The following RAD21 variants were observed in gnomAD, a reference collection of about 807,000 sequenced individuals.
RAD21 encodes the protein double-strand-break repair protein rad21 homolog.
RAD21 carries 18 observed loss-of-function variants against 71.5 expected under a neutral mutation model. The observed-to-expected ratio is 0.25, with a 90% confidence interval of 0.17 to 0.37. RAD21 has a LOEUF of 0.37. Among genes scored for constraint, RAD21 ranks in the 10% least tolerant of loss-of-function variants. The pLI is 1.00. For missense variants in RAD21, 493 were observed against 769.1 expected, an observed-to-expected ratio of 0.64 and a Z score of 4.25; for synonymous variants, 248 against 254.0, an observed-to-expected ratio of 0.98 and a Z score of 0.22.
At chr8:116,865,886 A>G (rs1164785296) in intron 2 of RAD21, among the ~76,000 whole-genome samples, 1 of 152,134 alleles carries the variant, frequency 6.6e-6, no homozygotes, top group Admixed American at 6.6e-5. Context: ...TCTTCCCCAC[A>G]ATTGACACCT....
rs1812329973 is a variant in RAD21 at position 116,850,633 on chromosome 8, ATCT to A, written c.1602_1604del (p.Glu534del). ...ATTAGTTTACCTCTTCCTCTTCATC[ATCT>A]TCTTTTTCCTTCTCTTTCTCCTTCT... On this transcript the variant is annotated inframe_deletion, in exon 12 of 14. Transcript: ENST00000297338. The A allele has an allele frequency of 1.9e-6, 3 of 1,609,430 alleles. No individual in the cohort carries two copies. Among genetic ancestry groups the A allele is most frequent in the Non-Finnish European group, 2.6e-6 (3 of 1,176,366 alleles).
intron 3 of RAD21, among the ~76,000 whole-genome samples, chr8:116,862,441 T>A (rs921104795): frequency 2.0e-5 from 3 of 152,116 alleles, no homozygotes; most frequent in African/African-American, 7.2e-5. Flanking sequence ...AGTATTGTAG[T>A]CTTTTTCTAA....
chr8:116,849,069 C>A, intron 12 of RAD21, 40 bp from the exon 13 acceptor site: 1 of 1,458,210 alleles, frequency 6.9e-7, no homozygotes, highest in Admixed American at 2.2e-5. Flanking sequence ...CAAAACAAGT[C>A]CAATGAAAAA....
At chr8:116,855,920 C>G (rs1238357756) in intron 8 of RAD21, among the ~76,000 whole-genome samples, 1 of 152,078 alleles carries the variant, frequency 6.6e-6, no homozygotes, top group Admixed American at 6.6e-5. Flanking sequence ...CTTGCACAGA[C>G]ATTCTACAAA....
At chr8:116,855,273 G>C (rs1450141747) in intron 8 of RAD21, among the ~76,000 whole-genome samples, 1 of 152,018 alleles carries the variant, frequency 6.6e-6, no homozygotes, top group African/African-American at 2.4e-5. Flanking sequence ...TCTACTTAAA[G>C]GTAAAAACTA....
chr8:116,862,838 C>T (rs1198599346), intron 3 of RAD21, among the ~76,000 whole-genome samples: 1 of 152,058 alleles, frequency 6.6e-6, no homozygotes, highest in Non-Finnish European at 1.5e-5. Flanking sequence ...ATTTTAACCT[C>T]TTGATGACTC....
At chr8:116,858,814 C>T (rs185185627) in intron 4 of RAD21, among the ~76,000 whole-genome samples, 3 of 152,166 alleles carry the variant, frequency 2.0e-5, no homozygotes, top group Admixed American at 1.3e-4. Context: ...TCCCTGACTT[C>T]CCTGAGACTC....
chr8:116,866,230 C>T (rs1812687773), intron 2 of RAD21, among the ~76,000 whole-genome samples: 1 of 147,908 alleles, frequency 6.8e-6, no homozygotes, highest in South Asian at 2.2e-4. Flanking sequence ...CTAAGTAATA[C>T]GCATTTACAG....
intron 4 of RAD21, among the ~76,000 whole-genome samples, chr8:116,860,711 T>C (rs1211847650): frequency 2.0e-5 from 3 of 152,170 alleles, no homozygotes; most frequent in Non-Finnish European, 4.4e-5. Context: ...CCCAAAAATT[T>C]GTGTAACTTG....
At chr8:116,860,979 T>C (rs1326459390) in intron 4 of RAD21, among the ~76,000 whole-genome samples, 1 of 152,160 alleles carries the variant, frequency 6.6e-6, no homozygotes, top group Non-Finnish European at 1.5e-5. Flanking sequence ...AAAAGCTGAA[T>C]AACTGACATA....
chr8:116,863,304 C>A, intron 2 of RAD21, 45 bp from the exon 3 acceptor site: 1 of 1,573,448 alleles, frequency 6.4e-7, no homozygotes. Context: ...GCATTTCGTG[C>A]CATTCATAGT....
At chr8:116,858,143 C>T (rs1248262225) in intron 5 of RAD21, among the ~76,000 whole-genome samples, 2 of 152,102 alleles carry the variant, frequency 1.3e-5, no homozygotes, top group Non-Finnish European at 2.9e-5. Flanking sequence ...TCTATGATTG[C>T]ATATAGGGAG....
At position 116,846,184 on chromosome 8, in the gene RAD21, C is replaced by T. The variant is rs1236766680; in HGVS notation, c.*1316G>A. The T allele has an allele frequency of 8.7e-6, 2 of 231,082 alleles. No homozygotes were observed. Among genetic ancestry groups the T allele is most frequent in the Non-Finnish European group, 1.7e-5 (2 of 116,636 alleles). The allele number at this position is 231,082 out of a possible 1,614,324, so 14.3% of individuals were successfully genotyped here. ...CAATAGCAATTTTATACAATTACCA[C>T]TCTGAAGAAACTGAATCATTAAAAC... On this transcript the variant is annotated 3_prime_UTR_variant, in exon 14 of 14. Transcript: ENST00000297338.
chr8:116,849,982 A>G (rs1812315671), intron 12 of RAD21, among the ~76,000 whole-genome samples: 1 of 152,182 alleles, frequency 6.6e-6, no homozygotes, highest in Non-Finnish European at 1.5e-5. Flanking sequence ...AGAGTATCAA[A>G]CAGAAGAATA....
At chr8:116,871,141 G>T (rs530769753) in intron 1 of RAD21, among the ~76,000 whole-genome samples, 2 of 152,142 alleles carry the variant, frequency 1.3e-5, no homozygotes, top group Admixed American at 6.5e-5. Context: ...AGGAGAAAGT[G>T]TAATTATAAT....
chr8:116,849,108 C>A, intron 12 of RAD21, 79 bp from the exon 13 acceptor site: 1 of 952,976 alleles, frequency 1.0e-6, no homozygotes, highest in Non-Finnish European at 1.5e-6. Context: ...CCTAAAAGCT[C>A]CTAAATTACC....
At chr8:116,848,245 T>C (rs528927185) in intron 13 of RAD21, among the ~76,000 whole-genome samples, 79 of 152,218 alleles carry the variant, frequency 5.2e-4, no homozygotes, top group Non-Finnish European at 1.0e-3. Flanking sequence ...AAATAGTATG[T>C]GATTCTCATG....
At position 116,863,263 on chromosome 8, in the gene RAD21, T is replaced by C. The variant is rs752213732; in HGVS notation, c.145-4A>G. ...ATGTCCGTAATGCCATTTTCACCTA[T>C]GAATAAAACATTAATCATATTCCAA... On this transcript the variant is annotated splice_polypyrimidine_tract_variant and splice_region_variant and intron_variant, in intron 2 of 13. Transcript: ENST00000297338. 1.9e-5 allele frequency: 31 copies of C among 1,607,296 alleles called. No homozygotes were observed. The Admixed American group carries it at 5.0e-4, about 26-fold the overall frequency.
At chr8:116,856,027 C>T (rs954715090) in intron 8 of RAD21, 139 bp downstream of exon 8, 45 of 903,768 alleles carry the variant, frequency 5.0e-5, no homozygotes, top group Non-Finnish European at 5.9e-5. Flanking sequence ...AGTAGCAGAT[C>T]AGTAGACAGG....
Sources: gnomAD v4.1 joint callset for allele counts (sites outside exome capture counted in the v4.1 genomes callset) on GRCh38, gnomAD v4.1.1 for gene constraint, MANE v1.5 for transcripts, NCBI Gene and HGNC (gene_info 2026-07-23, HGNC 2026-07-21) for gene names.